OR2A1: variants seen among roughly 807,000 people sequenced by gnomAD.
OR2A1 encodes olfactory receptor 2A1/2A42.
For missense variants in OR2A1, 1 was observed against 212.3 expected (o/e 0.00, Z 6.19); for synonymous variants, 2 against 94.7 (o/e 0.02, Z 5.68).
intron 1 of OR2A1, among the ~76,000 whole-genome samples, chr7:144,316,702 T>TATATGTACC (rs2053086984): frequency 6.6e-6 from 1 of 152,328 alleles, no homozygotes; most frequent in African/African-American, 2.4e-5. Flanking sequence ...TTCCATGGTG[T>TATATGTACC]ATATGTACCA....
intron 1 of OR2A1, among the ~76,000 whole-genome samples, chr7:144,315,964 C>T (rs1366183684): frequency 5.3e-5 from 5 of 93,728 alleles, no homozygotes; most frequent in African/African-American, 9.7e-5. Flanking sequence ...ATCACACCAC[C>T]GCATTCCAGG....
rs2053151135 is a variant in OR2A1 at position 144,320,778 on chromosome 7, C to T, written c.*1721C>T. The T allele has an allele frequency of 2.4e-5, 1 of 42,182 alleles. No homozygotes were observed. 2.6% of individuals were successfully genotyped at this position (42,182 alleles called of 1,614,324 possible). On this transcript the variant is annotated 3_prime_UTR_variant, in exon 2 of 2. Coordinates refer to ENST00000641044, the MANE Select transcript of OR2A1 (RefSeq NM_001005287.2). ...CCAAAGATAGGCATTGGGCTCCAGA[C>T]AGAAAAGTACTTAAAGCTGGGGGAA... is the stretch of plus-strand genomic sequence containing the variant.
In OR2A1 at chr7:144,319,229, TTAACA is replaced by T; in HGVS notation, c.*174_*178del. On this transcript the variant is annotated 3_prime_UTR_variant, in exon 2 of 2. Coordinates refer to ENST00000641044, the MANE Select transcript of OR2A1 (RefSeq NM_001005287.2). The stretch of plus-strand genomic sequence containing the variant: ...TTAGTTTTTGATGCATTTGTTATAC[TTAACA>T]TTTTTTAATTTAAGCACTTATTGAG... 1 of 591,694 alleles carries T rather than the reference TTAACA, an allele frequency of 1.7e-6. No homozygotes were observed. The highest frequency in any genetic ancestry group is 3.1e-5 in the Admixed American group (1 of 32,360). 36.7% of individuals were successfully genotyped at this position (591,694 alleles called of 1,614,324 possible).
upstream of OR2A1, among the ~76,000 whole-genome samples, chr7:144,312,215 T>C (rs2053030831): frequency 1.1e-5 from 1 of 92,660 alleles, no homozygotes; most frequent in South Asian, 3.6e-4. Context: ...AAACCAATTG[T>C]CCTGTCTCTC....
chr7:144,312,163 G>A (rs879360174), upstream of OR2A1, among the ~76,000 whole-genome samples: 1 of 94,280 alleles, frequency 1.1e-5, no homozygotes, highest in Non-Finnish European at 2.1e-5. Context: ...GTCGGTGTTT[G>A]TTAATTGTGC....
chr7:144,316,194 AATTT>A (rs202171873), intron 1 of OR2A1, among the ~76,000 whole-genome samples: 3,576 of 148,114 alleles, frequency 0.024, 1 homozygote, highest in African/African-American at 0.085. Flanking sequence ...TATTCACTAG[AATTT>A]ATTTGTGTCT....
chr7:144,316,526 C>T (rs1307638212), intron 1 of OR2A1, among the ~76,000 whole-genome samples: 1 of 146,826 alleles, frequency 6.8e-6, no homozygotes, highest in Non-Finnish European at 1.5e-5. Context: ...GTGTTGTTCC[C>T]CTCTATGTGT....
chr7:144,316,012 A>G (rs1587000979), intron 1 of OR2A1, among the ~76,000 whole-genome samples: 2 of 130,498 alleles, frequency 1.5e-5, no homozygotes, highest in African/African-American at 5.4e-5. Flanking sequence ...AAAAATAAAT[A>G]AATAAATAAA....
At chr7:144,314,510 TG>T (rs1159590220) in intron 1 of OR2A1, among the ~76,000 whole-genome samples, 5 of 99,940 alleles carry the variant, frequency 5.0e-5, no homozygotes, top group African/African-American at 1.5e-4. Flanking sequence ...CTGTTTTACT[TG>T]TTTTTTTGAG....
In OR2A1 at chr7:144,322,592, A is replaced by C. The variant is rs1434922635; in HGVS notation, c.*3535A>C. 1 of 150,450 alleles carries C rather than the reference A, an allele frequency of 6.6e-6. No homozygotes were observed. The highest frequency in any genetic ancestry group is 1.5e-5 in the Non-Finnish European group (1 of 67,688). The allele number at this position is 150,450 out of a possible 1,614,324, so 9.3% of individuals were successfully genotyped here. ...AGGTCGCCAAATCATTCAGTGGTAG[A>C]AACATGAATCAAGACCAGGCAGTCT... On this transcript the variant is annotated 3_prime_UTR_variant, in exon 2 of 2. Coordinates refer to ENST00000641044, the MANE Select transcript of OR2A1 (RefSeq NM_001005287.2).
chr7:144,312,307 C>T (rs1279980352), upstream of OR2A1, among the ~76,000 whole-genome samples: 1 of 71,120 alleles, frequency 1.4e-5, no homozygotes, highest in Admixed American at 1.9e-4. Context: ...AGGCTGAGCA[C>T]ATCAGAGAAT....
chr7:144,313,181 C>G (rs2053038892), intron 1 of OR2A1, among the ~76,000 whole-genome samples: 1 of 101,330 alleles, frequency 9.9e-6, no homozygotes, highest in Non-Finnish European at 2.0e-5. Context: ...AGTGTTTACT[C>G]TGCCTGAGAA....
At chr7:144,312,867 G>A (rs1386794006) in intron 1 of OR2A1, among the ~76,000 whole-genome samples, 1 of 33,176 alleles carries the variant, frequency 3.0e-5, no homozygotes. Context: ...CCTTGAAGAG[G>A]CAATGCTTGT....
In OR2A1 at chr7:144,321,205, A is replaced by AT. The variant is rs1475784492; in HGVS notation, c.*2154dup. 1 of 85,478 alleles carries AT rather than the reference A, an allele frequency of 1.2e-5. No individual in the cohort carries two copies. Among genetic ancestry groups the AT allele is most frequent in the Non-Finnish European group, 2.2e-5 (1 of 46,030 alleles). 5.3% of individuals were successfully genotyped at this position (85,478 alleles called of 1,614,324 possible). A position where few individuals can be genotyped will look rare whatever the true frequency, so the allele number is the denominator to read the frequency against. On this transcript the variant is annotated 3_prime_UTR_variant, in exon 2 of 2. Coordinates refer to ENST00000641044, the MANE Select transcript of OR2A1 (RefSeq NM_001005287.2). The stretch of plus-strand genomic sequence containing the variant: ...TAATAAAAATGAAATAATTTATTAA[A>AT]TTTTTTAAAATTACCCAAACTGGAT...
rs1164268352 is a variant in OR2A1, at chr7:144,321,068, G to A, written c.*2011G>A. The stretch of plus-strand genomic sequence containing the variant: ...GTGTGCCTATATCCCCAGCTATTCG[G>A]GAGGCTGAGGCAAGAGGATCACTTG... On this transcript the variant is annotated 3_prime_UTR_variant, in exon 2 of 2. Coordinates refer to ENST00000641044, the MANE Select transcript of OR2A1 (RefSeq NM_001005287.2). 1 of 92,252 alleles carries A rather than the reference G, an allele frequency of 1.1e-5. No individual in the cohort carries two copies. Among genetic ancestry groups the A allele is most frequent in the Non-Finnish European group, 2.1e-5 (1 of 46,826 alleles). 5.7% of individuals were successfully genotyped at this position (92,252 alleles called of 1,614,324 possible).
upstream of OR2A1, among the ~76,000 whole-genome samples, chr7:144,312,227 T>C (rs1428739963): frequency 1.1e-5 from 1 of 91,512 alleles, no homozygotes; most frequent in Admixed American, 1.5e-4. Flanking sequence ...CTGTCTCTCC[T>C]TCCCCAAGGA....
chr7:144,320,430 A>ACG lies in OR2A1; in HGVS notation c.*1374_*1375insGC, dbSNP rs1186409911. On this transcript the variant is annotated 3_prime_UTR_variant, in exon 2 of 2. Coordinates refer to ENST00000641044, the MANE Select transcript of OR2A1 (RefSeq NM_001005287.2). ...CATGCTCACGTACATGCGTGTGCAC[A>ACG]CACACACACACACACACACATATAC... 1 of 124,704 alleles carries ACG rather than the reference A, an allele frequency of 8.0e-6. No homozygotes were observed. The highest frequency in any genetic ancestry group is 1.7e-5 in the Non-Finnish European group (1 of 60,224). The allele number at this position is 124,704 out of a possible 1,614,324, so 7.7% of individuals were successfully genotyped here. A position where few individuals can be genotyped will look rare whatever the true frequency, so the allele number is the denominator to read the frequency against.
chr7:144,315,697 G>GT (rs2053066777), intron 1 of OR2A1, among the ~76,000 whole-genome samples: 1 of 98,264 alleles, frequency 1.0e-5, no homozygotes, highest in Non-Finnish European at 2.6e-5. Context: ...AAGAAATTAA[G>GT]TTTTTTATAA....
chr7:144,315,858 C>T (rs1485831066), intron 1 of OR2A1, among the ~76,000 whole-genome samples: 4 of 88,464 alleles, frequency 4.5e-5, no homozygotes, highest in Admixed American at 1.4e-4. Flanking sequence ...AAAAAATTAG[C>T]TAGGTATGGT....
Sources: allele counts gnomAD v4.1 joint callset (sites outside exome capture counted in the v4.1 genomes callset), GRCh38; gene constraint gnomAD v4.1.1; transcripts MANE v1.5; gene names NCBI Gene and HGNC (gene_info 2026-07-23, HGNC 2026-07-21).